Variants in UNC5B observed in about 807,000 individuals in gnomAD.
UNC5B encodes the protein unc-5 netrin receptor B.
UNC5B carries 56 observed loss-of-function variants against 103.7 expected under a neutral mutation model. The observed-to-expected ratio is 0.54, with a 90% confidence interval of 0.44 to 0.67. UNC5B has a LOEUF of 0.67. Among genes scored for constraint, UNC5B ranks in the 30% least tolerant of loss-of-function variants. UNC5B has a pLI of 0.00. For missense variants in UNC5B, 1,194 were observed against 1,284.5 expected (o/e 0.93, Z 1.08); for synonymous variants, 577 against 542.0 (o/e 1.06, Z -0.90).
chr10:71,274,133 C>T (rs1294080085), intron 1 of UNC5B, among the ~76,000 whole-genome samples: 1 of 152,156 alleles, frequency 6.6e-6, no homozygotes, highest in Non-Finnish European at 1.5e-5. Flanking sequence ...GAGGCCAAGG[C>T]AGTTGGATCA....
chr10:71,289,075 G>C, intron 8 of UNC5B, 85 bp downstream of exon 8: 1 of 1,595,118 alleles, frequency 6.3e-7, no homozygotes, highest in Non-Finnish European at 8.6e-7. Context: ...CAGGGTGCAG[G>C]GCAGGGAGAG....
In UNC5B at chr10:71,292,543, A is replaced by G. The variant is rs762161499; in HGVS notation, c.1761A>G (p.Ala587=). ...AGATGTATCTACTCATCAACAAGGC[A>G]GAAAGTACCCTGTGAGTAGAGCCCC... ...FYEMYLLINK[A]ESTLPLSEGT... The change falls in exon 11 of 17, where the codon GCA becomes GCG. Residue 587 remains alanine, a synonymous_variant. Transcript: ENST00000335350. The G allele has an allele frequency of 1.2e-5, 20 of 1,603,148 alleles. No homozygotes were observed. The highest frequency in any genetic ancestry group is 5.3e-5 in the African/African-American group (4 of 74,832).
chr10:71,258,238 T>C (rs1318922575), intron 1 of UNC5B, among the ~76,000 whole-genome samples: 1 of 152,204 alleles, frequency 6.6e-6, no homozygotes, highest in Non-Finnish European at 1.5e-5. Context: ...CCTCACTCTC[T>C]AGTGCCACAT....
chr10:71,296,638 C>G lies in UNC5B; in HGVS notation c.2386C>G (p.Leu796Val), dbSNP rs1845421945. ...GAAGGCCCTCCACTGCACTTTCACC[C>G]TGGAGAGGCACAGCTTGGCCTCCAC... ...SQKALHCTFT[L>V]ERHSLASTEL... Residue 796 changes from leucine to valine, a missense_variant, in exon 15 of 17, where the codon CTG (leucine) becomes GTG (valine). Coordinates refer to ENST00000335350, the MANE Select transcript of UNC5B (RefSeq NM_170744.5). 6.2e-7 allele frequency: 1 copy of G among 1,613,978 alleles called. No individual in the cohort carries two copies. Among genetic ancestry groups the G allele is most frequent in the Non-Finnish European group, 8.5e-7 (1 of 1,180,050 alleles).
At chr10:71,289,962 A>C (rs1033954197) in intron 8 of UNC5B, among the ~76,000 whole-genome samples, 3 of 152,218 alleles carry the variant, frequency 2.0e-5, no homozygotes, top group African/African-American at 7.2e-5. Context: ...AGGGCCCCCC[A>C]GGGAGGAAGT....
chr10:71,248,069 C>T (rs1352691548), intron 1 of UNC5B, among the ~76,000 whole-genome samples: 2 of 152,174 alleles, frequency 1.3e-5, no homozygotes, highest in African/African-American at 4.8e-5. Flanking sequence ...CCTCTGACTT[C>T]TAGCACTGCC....
At chr10:71,282,434 G>A (rs1414054108) in intron 2 of UNC5B, among the ~76,000 whole-genome samples, 2 of 152,166 alleles carry the variant, frequency 1.3e-5, no homozygotes, top group Non-Finnish European at 2.9e-5. Context: ...GCTTGCTGGT[G>A]ATCATGGATG....
At position 71,295,799 on chromosome 10, in the gene UNC5B, C is replaced by T. The variant is rs1395738213; in HGVS notation, c.2176-12C>T. 1.2e-6 allele frequency: 2 copies of T among 1,610,500 alleles called. No individual in the cohort carries two copies. Among genetic ancestry groups the T allele is most frequent in the Non-Finnish European group, 1.7e-6 (2 of 1,179,102 alleles). ...GTGATGGGTTCCCCTTCCCCATGCC[C>T]CTGGCCCACAGGAGGTGCTGGAGCT... is the stretch of plus-strand genomic sequence containing the variant. On this transcript the variant is annotated splice_polypyrimidine_tract_variant and intron_variant, in intron 13 of 16. Transcript: ENST00000335350.
At chr10:71,236,385 G>A (rs1273523882) in intron 1 of UNC5B, among the ~76,000 whole-genome samples, 2 of 152,180 alleles carry the variant, frequency 1.3e-5, no homozygotes, top group Non-Finnish European at 2.9e-5. Context: ...TGTGGGGGAA[G>A]GGAAGCAATG....
chr10:71,263,396 G>A (rs964764476), intron 1 of UNC5B, among the ~76,000 whole-genome samples: 1 of 152,130 alleles, frequency 6.6e-6, no homozygotes, highest in African/African-American at 2.4e-5. Context: ...GCCACTTTTC[G>A]GGATGCCCCT....
At chr10:71,245,156 C>A (rs896927231) in intron 1 of UNC5B, among the ~76,000 whole-genome samples, 6 of 152,180 alleles carry the variant, frequency 3.9e-5, no homozygotes, top group African/African-American at 1.4e-4. Flanking sequence ...GAAAAGATTT[C>A]TTTTTATCCT....
intron 1 of UNC5B, among the ~76,000 whole-genome samples, chr10:71,266,084 C>T (rs954268615): frequency 2.0e-5 from 3 of 152,084 alleles, no homozygotes; most frequent in Admixed American, 1.3e-4. Context: ...TCTTTTTTCA[C>T]CCCTACCTCA....
At position 71,213,084 on chromosome 10, in the gene UNC5B, G is replaced by A; in HGVS notation, c.79+20G>A. ...AAGCAGGTAGGAAGCGATCGGGTCTGGGGGCGCGGGGCTAGGGGACCCTTG... is the reference window on the plus strand; with the variant it reads ...AAGCAGGTAGGAAGCGATCGGGTCTAGGGGCGCGGGGCTAGGGGACCCTTG... On this transcript the variant is annotated intron_variant, in intron 1 of 16. Coordinates refer to ENST00000335350, the MANE Select transcript of UNC5B (RefSeq NM_170744.5). This position sits in a 1 kb window ranked among gnomAD's most constrained non-coding sequence, Gnocchi z 4.1. 1 of 1,316,288 alleles carries A rather than the reference G, an allele frequency of 7.6e-7. No individual in the cohort carries two copies. 81.5% of individuals were successfully genotyped at this position (1,316,288 alleles called of 1,614,324 possible).
At position 71,227,649 on chromosome 10, in the gene UNC5B, T is replaced by TATATATACAC. The variant is rs1564706990; in HGVS notation, c.79+14594_79+14595insCATATATACA. On this transcript the variant is annotated intron_variant, in intron 1 of 16. Coordinates refer to ENST00000335350, the MANE Select transcript of UNC5B (RefSeq NM_170744.5). ...ATATACATATATATACACATATACA[T>TATATATACAC]ATATATACATATATATACACATATA... 3.3e-3 allele frequency among the ~76,000 whole-genome samples: 448 copies of TATATATACAC among 134,230 alleles called. 11 individuals carry two copies. The highest frequency in any genetic ancestry group is 0.015 in the African/African-American group (425 of 29,048). The allele number at this position is 134,230 out of a possible 152,430, so 88.1% of individuals were successfully genotyped here.
chr10:71,278,336 G>T (rs1844823139), intron 1 of UNC5B, among the ~76,000 whole-genome samples: 1 of 152,186 alleles, frequency 6.6e-6, no homozygotes, highest in South Asian at 2.1e-4. Flanking sequence ...ACGGGGTAAG[G>T]TTGTCCACCT....
intron 1 of UNC5B, among the ~76,000 whole-genome samples, chr10:71,260,614 C>T (rs1844395701): frequency 6.6e-6 from 1 of 152,212 alleles, no homozygotes; most frequent in Non-Finnish European, 1.5e-5. Context: ...GTTATCGTCA[C>T]TGTGCTCCCA....
chr10:71,277,279 T>C (rs1172282247), intron 1 of UNC5B, among the ~76,000 whole-genome samples: 2 of 152,228 alleles, frequency 1.3e-5, no homozygotes, highest in Non-Finnish European at 2.9e-5. Flanking sequence ...CCTTCTCCTG[T>C]GGCCATGACC....
intron 1 of UNC5B, among the ~76,000 whole-genome samples, chr10:71,242,516 G>A (rs918584575): frequency 2.6e-5 from 4 of 152,182 alleles, no homozygotes; most frequent in African/African-American, 7.2e-5. Flanking sequence ...GGCAGGGCCT[G>A]TCCACCCTCT....
chr10:71,271,296 A>G (rs1844640060), intron 1 of UNC5B, among the ~76,000 whole-genome samples: 1 of 152,200 alleles, frequency 6.6e-6, no homozygotes, highest in Non-Finnish European at 1.5e-5. Context: ...TTGTGTTGAC[A>G]ATAATGTGCG....
Sources: gnomAD v4.1 joint callset for allele counts (sites outside exome capture counted in the v4.1 genomes callset) on GRCh38, gnomAD v4.1.1 for gene constraint, Gnocchi (gnomAD v3.1) non-coding constraint, MANE v1.5 for transcripts, NCBI Gene and HGNC (gene_info 2026-07-23, HGNC 2026-07-21) for gene names.